The following WASHC2C variants were observed in gnomAD, a reference collection of about 807,000 sequenced individuals.
The protein encoded by WASHC2C is Vaccinia Penetration Factor.
A neutral mutation model predicts 142.2 loss-of-function variants in WASHC2C; 73 were observed. The ratio of observed to expected loss-of-function variants is 0.51; its 90% CI spans 0.43 to 0.62. The LOEUF (loss-of-function observed/expected upper bound fraction) is 0.62, where lower values mean the gene tolerates loss of function less well. Ranked by LOEUF, WASHC2C falls within the 20% of genes least tolerant of loss-of-function variation. The pLI is 0.00. For missense variants in WASHC2C, 969 were observed against 1,531.7 expected, an observed-to-expected ratio of 0.63 and a Z score of 6.13; for synonymous variants, 337 against 565.5, an observed-to-expected ratio of 0.60 and a Z score of 5.73.
intron 2 of WASHC2C, among the ~76,000 whole-genome samples, chr10:45,728,630 C>G (rs900918111): frequency 6.6e-6 from 1 of 151,094 alleles, no homozygotes; most frequent in South Asian, 2.1e-4. Flanking sequence ...TCCAGCTACT[C>G]GGGAGGCTGA....
Position 45,746,786 on chromosome 10 carries a change from A to G in WASHC2C, c.732+139A>G. The G allele has an allele frequency of 3.2e-6, 4 of 1,240,028 alleles. No homozygotes were observed. The Admixed American group carries it at 6.1e-5, about 19-fold the overall frequency. 76.8% of individuals were successfully genotyped at this position (1,240,028 alleles called of 1,614,324 possible). A position where few individuals can be genotyped will look rare whatever the true frequency, so the allele number is the denominator to read the frequency against. ...CAATTTATTTTCCTTTAAGCATTTC[A>G]TGTATTTAGGCTAACTACCTCCTTT... On this transcript the variant is annotated intron_variant, in intron 8 of 30. Coordinates refer to ENST00000623400, the MANE Select transcript of WASHC2C (RefSeq NM_001330074.2).
intron 23 of WASHC2C, among the ~76,000 whole-genome samples, chr10:45,779,960 G>C (rs2057369329): frequency 6.6e-6 from 1 of 150,486 alleles, no homozygotes; most frequent in African/African-American, 2.4e-5. Context: ...ACTCCAGTGT[G>C]GCAACAGAAC....
At chr10:45,790,098 G>C (rs2058309521) in intron 29 of WASHC2C, among the ~76,000 whole-genome samples, 1 of 152,234 alleles carries the variant, frequency 6.6e-6, no homozygotes, top group East Asian at 1.9e-4. Context: ...GGGCAGAGTG[G>C]TGGGTAGGGC....
chr10:45,741,110 G>A (rs2051983579), intron 5 of WASHC2C, among the ~76,000 whole-genome samples: 1 of 151,958 alleles, frequency 6.6e-6, no homozygotes, highest in African/African-American at 2.4e-5. Flanking sequence ...ACCACACCCA[G>A]CTAATTTTTG....
At chr10:45,744,224 A>G (rs1490404608) in intron 6 of WASHC2C, among the ~76,000 whole-genome samples, 1 of 148,298 alleles carries the variant, frequency 6.7e-6, no homozygotes, top group Non-Finnish European at 1.5e-5. Flanking sequence ...ACACCTGGCT[A>G]ATTTTTGTAT....
Position 45,755,086 on chromosome 10 carries a change from C to T in WASHC2C, c.1391C>T (p.Ser464Leu), listed in dbSNP as rs782105827. Reference sequence around the variant, plus strand: ...GGTGATGATGATGACGACTTTTTCTCGGCACCCCACAGCAAACCTTCTAAA... The same window carrying T: ...GGTGATGATGATGACGACTTTTTCTTGGCACCCCACAGCAAACCTTCTAAA... Reference protein sequence around the residue: ...DDGDDDDDFFSAPHSKPSKTR... With the variant: ...DDGDDDDDFFLAPHSKPSKTR... The change falls in exon 15 of 31, where the codon TCG (serine) becomes TTG (leucine). Residue 464 changes from serine (S) to leucine (L), a missense_variant. Ser to Leu is a moderately radical substitution (Grantham distance 145). Coordinates refer to ENST00000623400, the MANE Select transcript of WASHC2C (RefSeq NM_001330074.2). 5.6e-6 allele frequency: 9 copies of T among 1,610,772 alleles called. No individual in the cohort carries two copies. The East Asian group carries it at 6.7e-5, about 12-fold the overall frequency.
chr10:45,727,387 C>G (rs2049977454), intron 1 of WASHC2C, 30 bp from the exon 2 acceptor site: 1 of 1,609,986 alleles, frequency 6.2e-7, no homozygotes, highest in Non-Finnish European at 8.5e-7. Flanking sequence ...CCCTCAGGCT[C>G]AGCCTCTCTT....
intron 3 of WASHC2C, among the ~76,000 whole-genome samples, chr10:45,730,636 T>C (rs1291440025): frequency 1.3e-5 from 2 of 149,518 alleles, no homozygotes; most frequent in Non-Finnish European, 3.0e-5. Flanking sequence ...CTTTTTTTTT[T>C]TGAGATGGAG....
chr10:45,758,270 AG>A (rs2054579286), intron 16 of WASHC2C, among the ~76,000 whole-genome samples: 1 of 152,182 alleles, frequency 6.6e-6, no homozygotes, highest in Non-Finnish European at 1.5e-5. Flanking sequence ...CTTGGTTGTT[AG>A]GGTGCCCACC....
chr10:45,779,983 CAAAA>C (rs1212129330), intron 23 of WASHC2C, among the ~76,000 whole-genome samples: 1 of 69,000 alleles, frequency 1.4e-5, no homozygotes, highest in Non-Finnish European at 3.0e-5. Context: ...GACTCCATCT[CAAAA>C]AAAAAAAAAA....
At chr10:45,748,015 C>A (rs1554872014) in intron 8 of WASHC2C, among the ~76,000 whole-genome samples, 4 of 117,290 alleles carry the variant, frequency 3.4e-5, no homozygotes. Context: ...GTAGATTTTC[C>A]TACAATCTCA....
intron 11 of WASHC2C, among the ~76,000 whole-genome samples, chr10:45,752,340 T>C (rs2134665061): frequency 6.6e-6 from 1 of 152,426 alleles, no homozygotes; most frequent in African/African-American, 2.4e-5. Context: ...GGTGCTGGCC[T>C]AGAGAATGAA....
chr10:45,787,189 A>T lies in WASHC2C; in HGVS notation c.3029A>T (p.Glu1010Val). ...ESVPVLPGSG[E>V]AGVSFDLPAQ... is the part of the protein sequence containing the mutation. ...GTGCCTGTCCTTCCCGGGAGTGGGGAGGCCGGTGTGAGTTTTGATCTTCCA... is the reference window on the plus strand; with the variant it reads ...GTGCCTGTCCTTCCCGGGAGTGGGGTGGCCGGTGTGAGTTTTGATCTTCCA... Residue 1010 changes from glutamate to valine, a missense_variant, in exon 28 of 31, where the codon GAG (glutamate) becomes GTG (valine). Physicochemically the swap from Glu to Val is moderately radical, Grantham distance 121. Coordinates refer to ENST00000623400, the MANE Select transcript of WASHC2C (RefSeq NM_001330074.2). The T allele has an allele frequency of 6.5e-7, 1 of 1,547,974 alleles. No homozygotes were observed. Among genetic ancestry groups the T allele is most frequent in the Non-Finnish European group, 8.8e-7 (1 of 1,139,796 alleles).
chr10:45,753,160 A>C lies in WASHC2C; in HGVS notation c.1123-20A>C. 1.6e-6 allele frequency: 2 copies of C among 1,247,940 alleles called. No homozygotes were observed. Among genetic ancestry groups the C allele is most frequent in the Non-Finnish European group, 2.1e-6 (2 of 941,170 alleles). 77.3% of individuals were successfully genotyped at this position (1,247,940 alleles called of 1,614,324 possible). The stretch of plus-strand genomic sequence containing the variant: ...CTCCTGGTTTTTTGAATTCTTTGTC[A>C]TATACCTTATTTCAACCAGAGTGAC... On this transcript the variant is annotated intron_variant, in intron 12 of 30. Coordinates refer to ENST00000623400, the MANE Select transcript of WASHC2C (RefSeq NM_001330074.2).
chr10:45,757,449 A>T (rs2054447565), intron 16 of WASHC2C, among the ~76,000 whole-genome samples: 1 of 149,632 alleles, frequency 6.7e-6, no homozygotes, highest in African/African-American at 2.5e-5. Context: ...GTGACATTCT[A>T]CCCCTAAATA....
Position 45,757,074 on chromosome 10 carries a change from G to A in WASHC2C, c.1483G>A (p.Ala495Thr), listed in dbSNP as rs2054394581. ...DEEGDLFKEK[A>T]VASPEATVSQ... ...AGAAGGAGATCTGTTCAAAGAAAAAGCCGTAGCATCGCCAGAAGCCACTGT... is the reference window on the plus strand; with the variant it reads ...AGAAGGAGATCTGTTCAAAGAAAAAACCGTAGCATCGCCAGAAGCCACTGT... Residue 495 changes from alanine (A) to threonine (T), a missense_variant, in exon 16 of 31, where the codon GCC (alanine) becomes ACC (threonine). Physicochemically the swap from Ala to Thr is moderately conservative, Grantham distance 58. Coordinates refer to ENST00000623400, the MANE Select transcript of WASHC2C (RefSeq NM_001330074.2). 1 of 1,608,640 alleles carries A rather than the reference G, an allele frequency of 6.2e-7. No homozygotes were observed. Among genetic ancestry groups the A allele is most frequent in the Non-Finnish European group, 8.5e-7 (1 of 1,178,494 alleles).
At chr10:45,763,775 G>A (rs1467856715) in intron 18 of WASHC2C, among the ~76,000 whole-genome samples, 8 of 150,660 alleles carry the variant, frequency 5.3e-5, no homozygotes, top group African/African-American at 1.7e-4. Flanking sequence ...GCAGTGATGC[G>A]ATCTTGGCTC....
intron 23 of WASHC2C, among the ~76,000 whole-genome samples, chr10:45,784,293 C>CATATATAT (rs1286811903): frequency 0.062 from 3,932 of 62,984 alleles, 234 homozygotes; most frequent in South Asian, 0.12. Flanking sequence ...TATATATACA[C>CATATATAT]ATATATATAT....
At position 45,728,842 on chromosome 10, in the gene WASHC2C, A is replaced by G. The variant is rs763033819; in HGVS notation, c.127-20A>G. The G allele has an allele frequency of 1.5e-5, 24 of 1,610,352 alleles. No homozygotes were observed. The highest frequency in any genetic ancestry group is 2.2e-5 in the East Asian group (1 of 44,802). ...TTACATGTAACATTGATACTACTGT[A>G]TGTTTATTTTTTAAAATAGCTACTA... On this transcript the variant is annotated intron_variant, in intron 2 of 30. Transcript: ENST00000623400.
Sources: allele counts gnomAD v4.1 joint callset (sites outside exome capture counted in the v4.1 genomes callset), GRCh38; gene constraint gnomAD v4.1.1; transcripts MANE v1.5; gene names NCBI Gene and HGNC (gene_info 2026-07-23, HGNC 2026-07-21).